The following LARP7 variants were observed in gnomAD, a reference collection of about 807,000 sequenced individuals.
LARP7 encodes La ribonucleoprotein 7, transcriptional regulator, also known as la-related protein 7.
Under a neutral mutation model 69.3 loss-of-function variants are expected in LARP7, and 52 were observed. The ratio of observed to expected loss-of-function variants is 0.75; its 90% CI spans 0.60 to 0.95. The LOEUF is 0.95. Among genes scored for constraint, LARP7 ranks in the 40% least tolerant of loss-of-function variants. The pLI is 0.00. For missense variants in LARP7, 733 were observed against 673.0 expected, an observed-to-expected ratio of 1.09 and a Z score of -0.99; for synonymous variants, 254 against 215.9, an observed-to-expected ratio of 1.18 and a Z score of -1.55.
At chr4:112,653,322 G>T in intron 11 of LARP7, 86 bp downstream of exon 11, 21 of 878,066 alleles carry the variant, frequency 2.4e-5, no homozygotes, top group South Asian at 2.3e-5. Flanking sequence ...AATGAAACTA[G>T]TTTTTTTTTT....
chr4:112,644,945 C>CTT (rs58234206), intron 2 of LARP7, 74 bp downstream of exon 2: 12,519 of 167,056 alleles, frequency 0.075, 947 homozygotes, highest in East Asian at 0.2. Flanking sequence ...ATAATATATT[C>CTT]TTTTTTTTTT....
rs1206982758 is a variant in LARP7 at position 112,657,293 on chromosome 4, C to A, written c.1715C>A (p.Ala572Glu). The A allele has an allele frequency of 3.8e-6, 6 of 1,580,002 alleles. No individual in the cohort carries two copies. The highest frequency in any genetic ancestry group is 1.8e-5 in the Admixed American group (1 of 56,090). ...ATTAGACTGGCAAAGACTCAACAAG[C>A]GAGTAAACATATAAGATTTTCTGAA... ...EKIRLAKTQQ[A>E]SKHIRFSEYD Residue 572 changes from alanine (A) to glutamate (E), a missense_variant, in exon 13 of 13, where the codon GCG becomes GAG. Ala to Glu is a moderately radical substitution (Grantham distance 107). Coordinates refer to ENST00000344442, the MANE Select transcript of LARP7 (RefSeq NM_016648.4).
chr4:112,643,685 TAA>T (rs1185819660), intron 1 of LARP7, among the ~76,000 whole-genome samples: 1 of 151,792 alleles, frequency 6.6e-6, no homozygotes, highest in Admixed American at 6.6e-5. Flanking sequence ...CTGTCTCTAC[TAA>T]AAATACAAAA....
At chr4:112,652,299 C>G (rs1204640150) in intron 10 of LARP7, among the ~76,000 whole-genome samples, 1 of 138,996 alleles carries the variant, frequency 7.2e-6, no homozygotes, top group Admixed American at 7.2e-5. Flanking sequence ...GATTTCCCCC[C>G]CCCCCCCATT....
At chr4:112,649,780 A>ATTT in intron 9 of LARP7, 94 bp downstream of exon 9, 5 of 777,066 alleles carry the variant, frequency 6.4e-6, no homozygotes, top group Non-Finnish European at 5.6e-6. Flanking sequence ...TAATTTTAAA[A>ATTT]AACTTGATTA....
chr4:112,647,167 A>G (rs772020987), intron 6 of LARP7, 32 bp from the exon 7 acceptor site: 1 of 1,593,804 alleles, frequency 6.3e-7, no homozygotes, highest in African/African-American at 1.4e-5. Flanking sequence ...TAGTTGAAGT[A>G]AGATGAACTA....
Position 112,657,526 on chromosome 4 carries a change from T to C in LARP7, c.*199T>C, listed in dbSNP as rs1297080438. On this transcript the variant is annotated 3_prime_UTR_variant, in exon 13 of 13. Coordinates refer to ENST00000344442, the MANE Select transcript of LARP7 (RefSeq NM_016648.4). ...CAATTTTTCTTAAACATTTTATTTG[T>C]TGAAATTATCTTAGATGTCAGTGTC... The C allele has an allele frequency of 2.9e-6, 1 of 339,762 alleles. No homozygotes were observed. The highest frequency in any genetic ancestry group is 2.1e-5 in the African/African-American group (1 of 46,982). The allele number at this position is 339,762 out of a possible 1,614,324, so 21.0% of individuals were successfully genotyped here. A position where few individuals can be genotyped will look rare whatever the true frequency, so the allele number is the denominator to read the frequency against.
Position 112,644,539 on chromosome 4 carries a change from C to G in LARP7, c.-2-129C>G, listed in dbSNP as rs934774288. 5 of 1,048,428 alleles carry G rather than the reference C, an allele frequency of 4.8e-6. No individual in the cohort carries two copies. In the African/African-American group the frequency reaches 8.3e-5, roughly 17 times the overall value. The allele number at this position is 1,048,428 out of a possible 1,614,324, so 64.9% of individuals were successfully genotyped here. A position where few individuals can be genotyped will look rare whatever the true frequency, so the allele number is the denominator to read the frequency against. On this transcript the variant is annotated intron_variant, in intron 1 of 12. Transcript: ENST00000344442. ...TTAAATATAAAAATGAATGTTCTTT[C>G]TGTTTGTCTTCTGATGGCCAAATGT...
chr4:112,647,184 A>T lies in LARP7; in HGVS notation c.647-15A>T. 1.3e-6 allele frequency: 2 copies of T among 1,591,882 alleles called. No individual in the cohort carries two copies. The highest frequency in any genetic ancestry group is 4.5e-5 in the East Asian group (2 of 44,786). ...GTTGAAGTAAGATGAACTAATAATG[A>T]TGGCACTTTTACAGAAGAGAAGAAA... On this transcript the variant is annotated splice_polypyrimidine_tract_variant and intron_variant, in intron 6 of 12. Transcript: ENST00000344442.
intron 8 of LARP7, chr4:112,648,780 A>C (rs1172247856): frequency 7.7e-6 from 2 of 260,204 alleles, no homozygotes; most frequent in Admixed American, 8.6e-5. Flanking sequence ...TCAGAGAATC[A>C]TTACAAGGGC....
At position 112,646,863 on chromosome 4, in the gene LARP7, A is replaced by AT; in HGVS notation, c.461dup (p.Ser155LysfsTer6). 2 of 1,608,072 alleles carry AT rather than the reference A, an allele frequency of 1.2e-6. No homozygotes were observed. The highest frequency in any genetic ancestry group is 2.2e-5 in the East Asian group (1 of 44,828). On this transcript the variant is annotated frameshift_variant, in exon 5 of 13. Transcript: ENST00000344442. LOFTEE classifies it high-confidence loss of function. ...TGGGAAATGTGGCAATGTTGTTTAT[A>AT]TAAGTATACCACATTATAAGTCTAC...
At chr4:112,652,302 C>G (rs536294307) in intron 10 of LARP7, among the ~76,000 whole-genome samples, 61 of 142,974 alleles carry the variant, frequency 4.3e-4, no homozygotes, top group African/African-American at 1.0e-3. Flanking sequence ...TTCCCCCCCC[C>G]CCCCATTTAG....
intron 1 of LARP7, among the ~76,000 whole-genome samples, chr4:112,642,879 A>C (rs935732177): frequency 7.2e-5 from 11 of 152,176 alleles, no homozygotes; most frequent in African/African-American, 1.9e-4. Flanking sequence ...GCTGCTCCAA[A>C]CCAGGTGCAA....
intron 8 of LARP7, chr4:112,648,667 T>C (rs926516412): frequency 2.6e-6 from 1 of 387,858 alleles, no homozygotes; most frequent in African/African-American, 2.1e-5. Flanking sequence ...CCTGAACTAG[T>C]TCCCAAAGAT....
chr4:112,647,693 T>C lies in LARP7; in HGVS notation c.1001T>C (p.Ile334Thr), dbSNP rs200831675. The C allele has an allele frequency of 6.4e-4, 972 of 1,521,082 alleles. 4 individuals carry two copies. Among genetic ancestry groups the C allele is most frequent in the South Asian group, 1.4e-3 (101 of 72,758 alleles). The allele number at this position is 1,521,082 out of a possible 1,614,324, so 94.2% of individuals were successfully genotyped here. A position where few individuals can be genotyped will look rare whatever the true frequency, so the allele number is the denominator to read the frequency against. ...GAGCTTTTTTATTTATTTCAAGATA[T>C]AGAAATCTCTACTGAAGAGGAAAAG... is the stretch of plus-strand genomic sequence containing the variant. ...ASEASKENRD[I>T]EISTEEEKDT... The change falls in exon 8 of 13, where the codon ATA (isoleucine) becomes ACA (threonine). Residue 334 changes from isoleucine (I) to threonine (T), a missense_variant. Coordinates refer to ENST00000344442, the MANE Select transcript of LARP7 (RefSeq NM_016648.4).
Position 112,657,170 on chromosome 4 carries a change from T to TTGTGTGTGTGTGTGTGTGTGTGTG in LARP7, c.1669-69_1669-46dup, listed in dbSNP as rs35719274. ...TGTGAAATTTTTTCTAGTCATAGTT[T>TTGTGTGTGTGTGTGTGTGTGTGTG]TGTGTGTGTGTGTGTGTGTGTGTGT... On this transcript the variant is annotated intron_variant, in intron 12 of 12. Transcript: ENST00000344442. The TTGTGTGTGTGTGTGTGTGTGTGTG allele has an allele frequency of 6.6e-5, 34 of 517,040 alleles. No homozygotes were observed. In the African/African-American group the frequency reaches 7.0e-4, roughly 11 times the overall value. 32.0% of individuals were successfully genotyped at this position (517,040 alleles called of 1,614,324 possible).
chr4:112,640,429 T>C (rs2047916523), intron 1 of LARP7, among the ~76,000 whole-genome samples: 1 of 152,190 alleles, frequency 6.6e-6, no homozygotes, highest in Non-Finnish European at 1.5e-5. Context: ...AGGCCGGCCA[T>C]GGTAGCTCAC....
Position 112,646,951 on chromosome 4 carries a change from T to C in LARP7, c.548T>C (p.Ile183Thr), listed in dbSNP as rs2048298590. The C allele has an allele frequency of 1.3e-6, 2 of 1,598,646 alleles. No individual in the cohort carries two copies. Among genetic ancestry groups the C allele is most frequent in the Admixed American group, 1.8e-5 (1 of 56,322 alleles). The change falls in exon 5 of 13, where the codon ATT (isoleucine) becomes ACT (threonine). Residue 183 changes from isoleucine (I) to threonine (T), a missense_variant. Coordinates refer to ENST00000344442, the MANE Select transcript of LARP7 (RefSeq NM_016648.4). Reference sequence around the variant, plus strand: ...ACAAAAGAACAAGCAGCAAAAGCAATTGAGGTAAGTCCAGATCCTAAAAAA... The same window carrying C: ...ACAAAAGAACAAGCAGCAAAAGCAACTGAGGTAAGTCCAGATCCTAAAAAA... ...FETKEQAAKA[I>T]EFLNNPPEEA...
At chr4:112,648,410 AC>A (rs1212044586) in intron 8 of LARP7, 2 of 534,540 alleles carry the variant, frequency 3.7e-6, no homozygotes, top group Non-Finnish European at 7.7e-6. Flanking sequence ...CACAGCAGGT[AC>A]CCCCATGTTA....
Sources: gnomAD v4.1 joint callset for allele counts (sites outside exome capture counted in the v4.1 genomes callset) on GRCh38, gnomAD v4.1.1 for gene constraint, MANE v1.5 for transcripts, NCBI Gene and HGNC (gene_info 2026-07-23, HGNC 2026-07-21) for gene names.